Variants in LARGE1 observed in about 807,000 individuals in gnomAD.
LARGE1 encodes LARGE xylosyl- and glucuronyltransferase 1.
LARGE1 carries 43 observed loss-of-function variants against 87.6 expected under a neutral mutation model. The ratio of observed to expected loss-of-function variants is 0.49; its 90% confidence interval spans 0.38 to 0.63. The LOEUF (loss-of-function observed/expected upper bound fraction) is 0.63. Ranked by LOEUF, LARGE1 falls within the 30% of genes least tolerant of loss-of-function variation. The pLI, the probability that LARGE1 is intolerant of heterozygous loss-of-function variation, is 0.00. For synonymous variants in LARGE1, 434 were observed against 394.6 expected (o/e 1.10, Z -1.18); for missense variants, 802 against 1,000.2 (o/e 0.80, Z 2.67).
intron 5 of LARGE1, among the ~76,000 whole-genome samples, chr22:33,592,601 C>G (rs899797443): frequency 5.9e-5 from 9 of 152,170 alleles, no homozygotes; most frequent in Middle Eastern, 3.2e-3. Flanking sequence ...TGCGTATGTT[C>G]TGAAGACAAA....
chr22:33,081,045 A>C, the LARGE1 span, among the ~76,000 whole-genome samples: 1 of 152,000 alleles, frequency 6.6e-6, no homozygotes, highest in Non-Finnish European at 1.5e-5. Context: ...TTTGCCTCAG[A>C]ATTCATATGT....
At chr22:33,868,721 G>A (rs113025432) in intron 1 of LARGE1, among the ~76,000 whole-genome samples, 2,129 of 152,124 alleles carry the variant, frequency 0.014, 43 homozygotes, top group African/African-American at 0.049. Context: ...GATTGCCCAC[G>A]CCCTGGTCTG....
At chr22:33,502,532 A>G (rs1424705987) in intron 6 of LARGE1, among the ~76,000 whole-genome samples, 2 of 152,116 alleles carry the variant, frequency 1.3e-5, no homozygotes, top group African/African-American at 4.8e-5. Flanking sequence ...ATAATGTTGT[A>G]TAGGTGCCAC....
intron 5 of LARGE1, among the ~76,000 whole-genome samples, chr22:33,571,396 G>C (rs1213499216): frequency 6.6e-6 from 1 of 152,212 alleles, no homozygotes; most frequent in East Asian, 1.9e-4. Context: ...CAGATTAGCA[G>C]TATGAGCATG....
chr22:33,712,194 A>C (rs554489332), intron 2 of LARGE1, among the ~76,000 whole-genome samples: 17 of 152,200 alleles, frequency 1.1e-4, no homozygotes, highest in African/African-American at 3.9e-4. Context: ...CATTTGGCAC[A>C]ACCCTGGAAC....
chr22:33,359,088 A>T (rs1290203350), intron 9 of LARGE1, among the ~76,000 whole-genome samples: 2 of 152,004 alleles, frequency 1.3e-5, no homozygotes, highest in Non-Finnish European at 1.5e-5. Context: ...AACCCACTTA[A>T]TCCAAACAGA....
chr22:33,650,665 C>T lies in LARGE1; in HGVS notation c.110G>A (p.Gly37Glu). 2 of 1,600,098 alleles carry T rather than the reference C, an allele frequency of 1.2e-6. No individual in the cohort carries two copies. Among genetic ancestry groups the T allele is most frequent in the Non-Finnish European group, 8.5e-7 (1 of 1,179,952 alleles). The change falls in exon 3 of 15, where the codon GGA (glycine) becomes GAA (glutamate). Residue 37 changes from glycine (G) to glutamate (E), a missense_variant. Around this residue, in one of 2 missense-constraint regions of LARGE1, gnomAD observed 177 missense variants for 158.3 expected, o/e 1.12. Transcript: ENST00000397394. ...IYLFSGSFED[G>E]KPVSLSPLES... ...CAGCGGTGACAGAGACACGGGCTTT[C>T]CATCTGGGGAGCGAAACACCAGGGA...
the LARGE1 span, among the ~76,000 whole-genome samples, chr22:33,098,393 G>T: frequency 3.9e-5 from 6 of 152,176 alleles, no homozygotes; most frequent in African/African-American, 1.4e-4. Context: ...GCTGAGGCGG[G>T]CAGATCACGA....
chr22:33,387,283 C>T lies in LARGE1; in HGVS notation c.893-2979G>A, dbSNP rs555168436. ...CTACTAAAAATACAAAAAAACTAGCCGGGTGTGGTGGTGCACGCCTGTAGT... is the reference window on the plus strand; with the variant it reads ...CTACTAAAAATACAAAAAAACTAGCTGGGTGTGGTGGTGCACGCCTGTAGT... On this transcript the variant is annotated intron_variant, in intron 7 of 14. Transcript: ENST00000397394. Among the ~76,000 whole-genome samples the T allele has an allele frequency of 7.5e-4, 94 of 124,838 alleles. 7 individuals carry two copies. Among genetic ancestry groups the T allele is most frequent in the Non-Finnish European group, 1.6e-3 (84 of 52,526 alleles). 81.9% of individuals were successfully genotyped at this position (124,838 alleles called of 152,430 possible). A position where few individuals can be genotyped will look rare whatever the true frequency, so the allele number is the denominator to read the frequency against.
intron 6 of LARGE1, among the ~76,000 whole-genome samples, chr22:33,535,087 CCTTCTGA>C (rs1289570908): frequency 3.3e-5 from 5 of 152,364 alleles, no homozygotes; most frequent in Admixed American, 2.6e-4. Context: ...TGGCCTCAAG[CCTTCTGA>C]CTTCTGAGTA....
At chr22:33,508,014 G>C (rs560188672) in intron 6 of LARGE1, among the ~76,000 whole-genome samples, 2 of 152,240 alleles carry the variant, frequency 1.3e-5, no homozygotes, top group Non-Finnish European at 2.9e-5. Flanking sequence ...GTTGAAGGAA[G>C]AAAAGAGACA....
At chr22:33,382,520 G>A (rs2065192235) in intron 8 of LARGE1, among the ~76,000 whole-genome samples, 1 of 152,168 alleles carries the variant, frequency 6.6e-6, no homozygotes, top group South Asian at 2.1e-4. Context: ...GGGGCCTGCG[G>A]TGGACTCAGT....
chr22:33,399,935 C>T (rs16992261), intron 7 of LARGE1, among the ~76,000 whole-genome samples: 14,416 of 152,228 alleles, frequency 0.095, 1,101 homozygotes, highest in African/African-American at 0.21. Flanking sequence ...CAGATTTGGA[C>T]AGATTTTCAG....
chr22:33,740,844 C>G (rs2149515401), intron 2 of LARGE1, among the ~76,000 whole-genome samples: 1 of 152,356 alleles, frequency 6.6e-6, no homozygotes, highest in South Asian at 2.1e-4. Context: ...CCGCCATCCT[C>G]ACTCACTCAA....
chr22:33,451,550 G>A (rs1247658022), intron 6 of LARGE1, among the ~76,000 whole-genome samples: 1 of 147,976 alleles, frequency 6.8e-6, no homozygotes, highest in Non-Finnish European at 1.5e-5. Context: ...CCACTCTATG[G>A]GAGTATCTCA....
chr22:33,394,081 CAAAAA>C (rs66531142), intron 7 of LARGE1, among the ~76,000 whole-genome samples: 18,156 of 110,020 alleles, frequency 0.17, 1,232 homozygotes, highest in Admixed American at 0.29. Context: ...GTGCAACTGC[CAAAAA>C]AAAAAAAAAA....
chr22:33,835,652 G>A (rs1445932104), intron 1 of LARGE1, among the ~76,000 whole-genome samples: 2 of 152,322 alleles, frequency 1.3e-5, no homozygotes, highest in East Asian at 3.9e-4. Flanking sequence ...TTATAACGAA[G>A]AGCTAAGTTA....
At chr22:33,089,199 C>G in the LARGE1 span, among the ~76,000 whole-genome samples, 1 of 152,202 alleles carries the variant, frequency 6.6e-6, no homozygotes, top group South Asian at 2.1e-4. Context: ...CTTTGACCAC[C>G]AAATCCACCT....
chr22:33,220,221 C>T (rs1925392840), intron 11 of LARGE1, among the ~76,000 whole-genome samples: 1 of 152,220 alleles, frequency 6.6e-6, no homozygotes. Context: ...ACTGAGTTTG[C>T]TGCCAGCTCA....
Sources: gnomAD v4.1 joint callset for allele counts (sites outside exome capture counted in the v4.1 genomes callset) on GRCh38, gnomAD v4.1.1 for gene constraint, gnomAD v4.1.1 regional missense constraint, MANE v1.5 for transcripts, NCBI Gene and HGNC (gene_info 2026-07-23, HGNC 2026-07-21) for gene names.